Variants in MCTS1 observed in about 807,000 individuals in gnomAD.
MCTS1 encodes the protein malignant T-cell-amplified sequence 1.
For missense variants in MCTS1, 55 were observed against 128.6 expected, an observed-to-expected ratio of 0.43 and a Z score of 2.77; for synonymous variants, 26 against 40.8, an observed-to-expected ratio of 0.64 and a Z score of 1.38.
Position 120,620,098 on chromosome X carries a change from T to A in MCTS1, c.*7834T>A, listed in dbSNP as rs187580445. 4.2e-3 allele frequency among the ~76,000 whole-genome samples: 464 copies of A among 110,288 alleles called. No individual in the cohort carries two copies. The highest frequency in any genetic ancestry group is 7.7e-3 in the Non-Finnish European group (405 of 52,828). On this transcript the variant is annotated 3_prime_UTR_variant, in exon 6 of 6. Transcript: ENST00000371317. ...AGGCCAAGGTGGGCGGATCACGAGGTCAGGAGATCGAGACCATCCTGGCTA... is the reference window on the plus strand; with the variant it reads ...AGGCCAAGGTGGGCGGATCACGAGGACAGGAGATCGAGACCATCCTGGCTA...
rs1926967020 is a variant in MCTS1 at position 120,619,902 on chromosome X, T to C, written c.*7638T>C. Among the ~76,000 whole-genome samples the C allele has an allele frequency of 8.9e-6, 1 of 112,218 alleles. No homozygotes were observed. Among genetic ancestry groups the C allele is most frequent in the Admixed American group, 9.5e-5 (1 of 10,532 alleles). ...GTGATTTGTGACCATTTAAATGTTA[T>C]GCTATTTCAAAGTCTTCTACATCTT... On this transcript the variant is annotated 3_prime_UTR_variant, in exon 6 of 6. Transcript: ENST00000371317.
chrX:120,611,109 T>C (rs1441226597), intron 5 of MCTS1, 31 bp downstream of exon 5: 1 of 1,177,916 alleles, frequency 8.5e-7, no homozygotes, highest in Non-Finnish European at 1.2e-6. Context: ...CCTTAACTTT[T>C]GATATATGGG....
chrX:120,611,758 C>T (rs1199094491), intron 5 of MCTS1, among the ~76,000 whole-genome samples: 1 of 112,123 alleles, frequency 8.9e-6, no homozygotes, highest in Non-Finnish European at 1.9e-5. Context: ...TATCTCACCA[C>T]CACACAGTAT....
In MCTS1 at chrX:120,621,074, T is replaced by C. The variant is rs1927025059; in HGVS notation, c.*8810T>C. 8.9e-6 allele frequency: 1 copy of C among 112,343 alleles called. No individual in the cohort carries two copies. The highest frequency in any genetic ancestry group is 3.2e-5 in the African/African-American group (1 of 30,949). 9.3% of individuals were successfully genotyped at this position (112,343 alleles called of 1,213,427 possible). On this transcript the variant is annotated 3_prime_UTR_variant, in exon 6 of 6. Transcript: ENST00000371317. ...TCAAAGACTTAATAAATAATGTAAA[T>C]TATCTATTCTTTCCTGTTGATTATA...
At chrX:120,610,269 C>G (rs1926650606) in intron 4 of MCTS1, among the ~76,000 whole-genome samples, 1 of 110,210 alleles carries the variant, frequency 9.1e-6, no homozygotes, top group African/African-American at 3.3e-5. Context: ...TTGCAGTGAG[C>G]TGAGATCATG....
intron 4 of MCTS1, among the ~76,000 whole-genome samples, chrX:120,609,940 G>T (rs1449301313): frequency 1.8e-4 from 20 of 111,834 alleles, no homozygotes. Flanking sequence ...GACCACTCTG[G>T]TTTTTCTAGA....
intron 4 of MCTS1, 51 bp downstream of exon 4, chrX:120,608,409 T>C: frequency 1.8e-6 from 2 of 1,111,852 alleles, no homozygotes; most frequent in Non-Finnish European, 1.2e-6. Context: ...TGTGCTCTTA[T>C]CATTACTGCG....
At position 120,612,902 on chromosome X, in the gene MCTS1, A is replaced by G. The variant is rs570731735; in HGVS notation, c.*638A>G. ...TTTTGAAGCAAATCCCAGACATCCTATCATTTCATCCATAACTACTTTATT... is the reference window on the plus strand; with the variant it reads ...TTTTGAAGCAAATCCCAGACATCCTGTCATTTCATCCATAACTACTTTATT... On this transcript the variant is annotated 3_prime_UTR_variant, in exon 6 of 6. Transcript: ENST00000371317. Among the ~76,000 whole-genome samples, 6 of 104,709 alleles carry G rather than the reference A, an allele frequency of 5.7e-5. No homozygotes were observed. The South Asian group carries it at 2.6e-3, about 46-fold the overall frequency. The allele number at this position is 104,709 out of a possible 115,157, so 90.9% of individuals were successfully genotyped here.
chrX:120,611,214 T>TA, intron 5 of MCTS1, 136 bp downstream of exon 5: 1 of 530,273 alleles, frequency 1.9e-6, no homozygotes, highest in Non-Finnish European at 3.1e-6. Flanking sequence ...TCATTTCTGA[T>TA]ATTTCCTAAC....
intron 4 of MCTS1, 38 bp downstream of exon 4, chrX:120,608,396 C>T (rs1926595716): frequency 8.8e-7 from 1 of 1,134,134 alleles, no homozygotes; most frequent in African/African-American, 1.8e-5. Context: ...AAAATGTATT[C>T]ATTGTGCTCT....
intron 4 of MCTS1, chrX:120,610,750 T>G (rs1173222872): frequency 3.7e-6 from 1 of 268,668 alleles, no homozygotes; most frequent in African/African-American, 2.7e-5. Flanking sequence ...CTGGTTTTGT[T>G]AGCATGGGGT....
Position 120,619,801 on chromosome X carries a change from A to G in MCTS1, c.*7537A>G, listed in dbSNP as rs1401977511. The stretch of plus-strand genomic sequence containing the variant: ...TGTTTTTCTGTTTCCCTCTTAGCAA[A>G]GTGGAGTGGGAGAATCTTGAAATTG... On this transcript the variant is annotated 3_prime_UTR_variant, in exon 6 of 6. Transcript: ENST00000371317. Among the ~76,000 whole-genome samples the G allele has an allele frequency of 9.0e-6, 1 of 111,581 alleles. No homozygotes were observed. The highest frequency in any genetic ancestry group is 1.9e-5 in the Non-Finnish European group (1 of 53,177).
chrX:120,606,808 GAC>G (rs1244595063), intron 3 of MCTS1, among the ~76,000 whole-genome samples: 4 of 86,264 alleles, frequency 4.6e-5, no homozygotes, highest in Non-Finnish European at 9.7e-5. Flanking sequence ...AAAAAAAAAA[GAC>G]AAATATTTAT....
intron 1 of MCTS1, 44 bp downstream of exon 1, chrX:120,604,291 T>C: frequency 9.3e-7 from 1 of 1,076,659 alleles, no homozygotes; most frequent in African/African-American, 1.9e-5. Context: ...ACAAAGGCGG[T>C]GGGGTGGGGG....
rs947856967 is a variant in MCTS1, at chrX:120,613,857, CTGTT to C, written c.*1596_*1599del. Among the ~76,000 whole-genome samples, 4 of 112,429 alleles carry C rather than the reference CTGTT, an allele frequency of 3.6e-5. No individual in the cohort carries two copies. Among genetic ancestry groups the C allele is most frequent in the African/African-American group, 1.3e-4 (4 of 31,039 alleles). On this transcript the variant is annotated 3_prime_UTR_variant, in exon 6 of 6. Transcript: ENST00000371317. ...GACCTGCTTTAGTAAGAACAGTAAT[CTGTT>C]TGGGGAGTTAAAAGAGCAGTTGTGG...
intron 4 of MCTS1, among the ~76,000 whole-genome samples, chrX:120,609,644 TGAAAATCAAG>T (rs1926631518): frequency 8.9e-6 from 1 of 112,309 alleles, no homozygotes; most frequent in Non-Finnish European, 1.9e-5. Flanking sequence ...CTGAGTGAAT[TGAAAATCAAG>T]GGAGAAAAGT....
At chrX:120,609,209 G>A (rs989225962) in intron 4 of MCTS1, among the ~76,000 whole-genome samples, 1 of 111,738 alleles carries the variant, frequency 8.9e-6, no homozygotes, top group South Asian at 3.7e-4. Flanking sequence ...TTGAGATGGA[G>A]TCTCGCTCTG....
intron 4 of MCTS1, 145 bp from the exon 5 acceptor site, chrX:120,610,866 C>G: frequency 3.9e-6 from 2 of 515,115 alleles, no homozygotes; most frequent in Non-Finnish European, 6.6e-6. Context: ...GGTCTCTGCT[C>G]TCAAGGAGTT....
rs921823113 is a variant in MCTS1, at chrX:120,612,283, T to C, written c.*19T>C. On this transcript the variant is annotated 3_prime_UTR_variant, in exon 6 of 6. Coordinates refer to ENST00000371317, the MANE Select transcript of MCTS1 (RefSeq NM_014060.3). ...TAAATGAGCCTCAGAAGGAATGCACTTGGGCTAAATATGGATATTGTGCTG... is the reference window on the plus strand; with the variant it reads ...TAAATGAGCCTCAGAAGGAATGCACCTGGGCTAAATATGGATATTGTGCTG... 1.8e-6 allele frequency: 2 copies of C among 1,109,907 alleles called. No individual in the cohort carries two copies. The highest frequency in any genetic ancestry group is 3.0e-5 in the East Asian group (1 of 33,208). 91.5% of individuals were successfully genotyped at this position (1,109,907 alleles called of 1,213,427 possible). A position where few individuals can be genotyped will look rare whatever the true frequency, so the allele number is the denominator to read the frequency against.
Sources: gnomAD v4.1 joint callset for allele counts (sites outside exome capture counted in the v4.1 genomes callset) on GRCh38, gnomAD v4.1.1 for gene constraint, MANE v1.5 for transcripts, NCBI Gene and HGNC (gene_info 2026-07-23, HGNC 2026-07-21) for gene names.